HEATR5B: variants seen among roughly 807,000 people sequenced by gnomAD.
HEATR5B encodes HEAT repeat-containing protein 5B.
Under a neutral mutation model 224.1 loss-of-function variants are expected in HEATR5B, and 156 were observed. The observed-to-expected ratio is 0.70, with a 90% CI of 0.61 to 0.80. The LOEUF is 0.80. Ranked by LOEUF, HEATR5B falls within the 30% of genes least tolerant of loss-of-function variation. HEATR5B has a pLI of 0.00. For synonymous variants in HEATR5B, 1,027 were observed against 893.0 expected (o/e 1.15, Z -2.68); for missense variants, 2,323 against 2,535.5 (o/e 0.92, Z 1.80).
intron 3 of HEATR5B, 147 bp downstream of exon 3, chr2:37,078,973 A>T (rs986333778): frequency 2.6e-5 from 13 of 503,662 alleles, no homozygotes; most frequent in African/African-American, 9.9e-5. Flanking sequence ...TCTTCCCATC[A>T]CAACTCGATC....
chr2:37,006,908 TTA>T (rs1667460092), intron 29 of HEATR5B, 140 bp downstream of exon 29: 2 of 681,518 alleles, frequency 2.9e-6, no homozygotes, highest in East Asian at 5.6e-5. Context: ...AATTAACAAT[TTA>T]TAAGGTGAGG....
Position 37,041,495 on chromosome 2 carries a change from C to G in HEATR5B, c.2697-203G>C, listed in dbSNP as rs572510405. The stretch of plus-strand genomic sequence containing the variant: ...GGTGTCATGGCTCATGCCTGTAATC[C>G]CAGCATTTGGGAGGCTGAGGCCGGT... On this transcript the variant is annotated intron_variant, in intron 18 of 35. Coordinates refer to ENST00000233099, the MANE Select transcript of HEATR5B (RefSeq NM_019024.3). 1.9e-4 allele frequency among the ~76,000 whole-genome samples: 29 copies of G among 152,234 alleles called. No individual in the cohort carries two copies. The East Asian group carries it at 5.2e-3, about 27-fold the overall frequency.
chr2:37,077,001 G>C lies in HEATR5B; in HGVS notation c.357C>G (p.Val119=), dbSNP rs150874894. The change falls in exon 4 of 36, where the codon GTC becomes GTG. Residue 119 remains valine, a synonymous_variant. Transcript: ENST00000233099. ...LPTKLAAVAC[V]GAFYEKMGRM... ...TCCCCATTTTTTCATAAAATGCTCC[G>C]ACACAAGCCACCGCAGCCCTGTAAG... The C allele has an allele frequency of 8.8e-3, 14,126 of 1,613,758 alleles. 1,674 individuals are homozygous for C. The Admixed American group carries it at 0.21, about 24-fold the overall frequency.
intron 21 of HEATR5B, among the ~76,000 whole-genome samples, chr2:37,034,477 G>A (rs1469540530): frequency 1.4e-5 from 2 of 144,602 alleles, no homozygotes; most frequent in Admixed American, 6.8e-5. Flanking sequence ...GCCGGGCGTA[G>A]TGGCGGGCGC....
chr2:37,020,016 C>G (rs2148436629), intron 25 of HEATR5B, 139 bp from the exon 26 acceptor site: 1 of 571,026 alleles, frequency 1.8e-6, no homozygotes, highest in Non-Finnish European at 3.1e-6. Flanking sequence ...CGATTCTCCT[C>G]CCTCAGCCTC....
At chr2:37,040,576 G>C in intron 19 of HEATR5B, 58 bp from the exon 20 acceptor site, 8 of 1,290,346 alleles carry the variant, frequency 6.2e-6, no homozygotes, top group Non-Finnish European at 8.7e-6. Flanking sequence ...GTACTGAATT[G>C]AGTATACTGA....
At chr2:36,997,726 C>A (rs965511931) in intron 33 of HEATR5B, among the ~76,000 whole-genome samples, 34 of 152,246 alleles carry the variant, frequency 2.2e-4, no homozygotes, top group African/African-American at 8.2e-4. Flanking sequence ...GCCACCACGC[C>A]CAGCTAATTT....
chr2:37,080,884 G>C (rs535756006), intron 2 of HEATR5B, among the ~76,000 whole-genome samples: 1 of 152,058 alleles, frequency 6.6e-6, no homozygotes, highest in Admixed American at 6.5e-5. Flanking sequence ...GGGAAGCCAC[G>C]AACAGGAAGA....
chr2:37,013,716 A>C (rs1239317638), intron 27 of HEATR5B, 125 bp downstream of exon 27: 2 of 650,836 alleles, frequency 3.1e-6, no homozygotes, highest in Non-Finnish European at 5.0e-6. Flanking sequence ...AAATTTTCAA[A>C]AAGTATTCCA....
At chr2:37,076,539 CT>C in intron 4 of HEATR5B, among the ~76,000 whole-genome samples, 1 of 152,092 alleles carries the variant, frequency 6.6e-6, no homozygotes, top group Non-Finnish European at 1.5e-5. Flanking sequence ...TATCGCAGAC[CT>C]CCAGCTTCCA....
chr2:36,991,982 C>T (rs1185038882), intron 33 of HEATR5B, among the ~76,000 whole-genome samples: 1 of 152,118 alleles, frequency 6.6e-6, no homozygotes, highest in Non-Finnish European at 1.5e-5. Context: ...GTAATTCCAG[C>T]ACTTTGGGAT....
intron 29 of HEATR5B, among the ~76,000 whole-genome samples, chr2:37,006,755 C>T (rs1229419263): frequency 1.3e-5 from 2 of 152,098 alleles, no homozygotes; most frequent in Non-Finnish European, 2.9e-5. Flanking sequence ...TGGTTAAGTG[C>T]CAAGTAAAAA....
chr2:37,081,432 C>T (rs942988375), intron 2 of HEATR5B, among the ~76,000 whole-genome samples: 1 of 152,078 alleles, frequency 6.6e-6, no homozygotes, highest in African/African-American at 2.4e-5. Context: ...AAGCACAAAT[C>T]CAAAGGGTAA....
intron 21 of HEATR5B, among the ~76,000 whole-genome samples, chr2:37,037,237 C>T (rs1488781541): frequency 6.7e-6 from 1 of 148,388 alleles, no homozygotes; most frequent in Non-Finnish European, 1.5e-5. Context: ...CCTCCGCCTC[C>T]TGGGTTCAAG....
intron 10 of HEATR5B, among the ~76,000 whole-genome samples, chr2:37,062,945 A>G (rs1361424462): frequency 6.6e-6 from 1 of 152,110 alleles, no homozygotes; most frequent in Non-Finnish European, 1.5e-5. Context: ...ATGCCAACAT[A>G]CTTGGAAAAT....
Position 37,048,360 on chromosome 2 carries a change from T to G in HEATR5B, c.2696+1293A>C, listed in dbSNP as rs535857205. 1.8e-4 allele frequency among the ~76,000 whole-genome samples: 28 copies of G among 152,200 alleles called. 1 individual carries two copies. In the South Asian group the frequency reaches 3.5e-3, roughly 19 times the overall value. On this transcript the variant is annotated intron_variant, in intron 18 of 35. Transcript: ENST00000233099. ...CAACCATGCCCAGCTAATTTCTGTATGTTTTGTAGAGACAGGGTTTCACCA... is the reference window on the plus strand; with the variant it reads ...CAACCATGCCCAGCTAATTTCTGTAGGTTTTGTAGAGACAGGGTTTCACCA...
intron 35 of HEATR5B, among the ~76,000 whole-genome samples, chr2:36,986,976 C>T (rs373099239): frequency 6.6e-6 from 1 of 152,028 alleles, no homozygotes; most frequent in African/African-American, 2.4e-5. Context: ...TAGTCTTAAA[C>T]TCCTGATCTC....
intron 34 of HEATR5B, among the ~76,000 whole-genome samples, chr2:36,990,402 G>T (rs939738370): frequency 5.3e-5 from 8 of 152,008 alleles, no homozygotes; most frequent in African/African-American, 1.9e-4. Context: ...ATAGACTCTT[G>T]TCTCTACCAG....
intron 4 of HEATR5B, 68 bp downstream of exon 4, chr2:37,076,843 C>T (rs766401956): frequency 2.4e-5 from 28 of 1,183,252 alleles, no homozygotes; most frequent in African/African-American, 7.6e-5. Context: ...AAGAAACAAA[C>T]ATATTTTAGC....
Sources: gnomAD v4.1 joint callset for allele counts (sites outside exome capture counted in the v4.1 genomes callset) on GRCh38, gnomAD v4.1.1 for gene constraint, MANE v1.5 for transcripts, NCBI Gene and HGNC (gene_info 2026-07-23, HGNC 2026-07-21) for gene names.